Variants in SEPTIN9 observed in about 807,000 individuals in gnomAD.
SEPTIN9 encodes septin 9.
In SEPTIN9, 13 loss-of-function variants were observed where a neutral mutation model predicts 56.6. The ratio of observed to expected loss-of-function variants is 0.23; its 90% CI spans 0.15 to 0.37. The LOEUF is 0.37. SEPTIN9 is among the 10% of genes least tolerant of loss of function. The pLI is 1.00. For synonymous variants in SEPTIN9, 332 were observed against 334.1 expected, an observed-to-expected ratio of 0.99 and a Z score of 0.07; for missense variants, 650 against 823.1, an observed-to-expected ratio of 0.79 and a Z score of 2.57.
At position 77,497,305 on chromosome 17, in the gene SEPTIN9, C is replaced by T. The variant is rs192537441; in HGVS notation, c.1574-10C>T. On this transcript the variant is annotated splice_polypyrimidine_tract_variant and intron_variant, in intron 10 of 11. Transcript: ENST00000427177. ...TGGGACATTAAAGCCCCTCCTGTCT[C>T]CTCTCCTAGTTGAAAACACCACACA... The T allele has an allele frequency of 4.7e-3, 7,607 of 1,613,214 alleles. 39 individuals are homozygous for T. Among genetic ancestry groups the T allele is most frequent in the Non-Finnish European group, 5.7e-3 (6,747 of 1,179,432 alleles).
chr17:77,373,294 G>C, intron 2 of SEPTIN9: 1 of 1,159,670 alleles, frequency 8.6e-7, no homozygotes, highest in Non-Finnish European at 1.1e-6. Flanking sequence ...GCGGGGCGGG[G>C]GCGCAGCGCG....
intron 1 of SEPTIN9, among the ~76,000 whole-genome samples, chr17:77,300,382 G>A (rs1353221384): frequency 1.3e-5 from 2 of 152,168 alleles, no homozygotes; most frequent in African/African-American, 4.8e-5. Context: ...CTTGAGGGTG[G>A]GGAAAGGTTG....
At chr17:77,431,081 G>A (rs1277906707) in intron 3 of SEPTIN9, among the ~76,000 whole-genome samples, 2 of 152,186 alleles carry the variant, frequency 1.3e-5, no homozygotes, top group Non-Finnish European at 2.9e-5. Flanking sequence ...GGTGGCTCAC[G>A]CCTGTAATCC....
chr17:77,498,886 G>A lies in SEPTIN9; in HGVS notation c.*228G>A. ...GGAGGCTGCACTGGAGCCACAGGCAGGGGTGAGAGCACCCACTGAATTGAC... is the reference window on the plus strand; with the variant it reads ...GGAGGCTGCACTGGAGCCACAGGCAAGGGTGAGAGCACCCACTGAATTGAC... On this transcript the variant is annotated 3_prime_UTR_variant, in exon 12 of 12. Coordinates refer to ENST00000427177, the MANE Select transcript of SEPTIN9 (RefSeq NM_001113491.2). 1.7e-6 allele frequency: 1 copy of A among 599,670 alleles called. No individual in the cohort carries two copies. Among genetic ancestry groups the A allele is most frequent in the Non-Finnish European group, 3.1e-6 (1 of 318,718 alleles). 37.1% of individuals were successfully genotyped at this position (599,670 alleles called of 1,614,324 possible). A position where few individuals can be genotyped will look rare whatever the true frequency, so the allele number is the denominator to read the frequency against.
chr17:77,441,277 G>C (rs2037539002), intron 3 of SEPTIN9, among the ~76,000 whole-genome samples: 1 of 152,194 alleles, frequency 6.6e-6, no homozygotes, highest in Non-Finnish European at 1.5e-5. Flanking sequence ...ACTTGGAGTG[G>C]GTCTGGGGCT....
intron 2 of SEPTIN9, among the ~76,000 whole-genome samples, chr17:77,390,488 G>A (rs2035500719): frequency 1.9e-5 from 2 of 107,578 alleles, no homozygotes; most frequent in South Asian, 6.3e-4. Flanking sequence ...GTCTCGCTCT[G>A]TCGCCCAGGC....
At chr17:77,408,351 T>G (rs1278468910) in intron 3 of SEPTIN9, among the ~76,000 whole-genome samples, 1 of 152,068 alleles carries the variant, frequency 6.6e-6, no homozygotes. Context: ...TGGGGCGGGG[T>G]AGACATGGCA....
At chr17:77,494,677 G>T (rs938661993) in intron 10 of SEPTIN9, among the ~76,000 whole-genome samples, 14 of 152,312 alleles carry the variant, frequency 9.2e-5, no homozygotes, top group Admixed American at 5.9e-4. Context: ...GAAGCTCCCC[G>T]CACCCACCCT....
Position 77,318,167 on chromosome 17 carries a change from A to T in SEPTIN9, c.76+10970A>T, listed in dbSNP as rs1441438529. 6.6e-6 allele frequency among the ~76,000 whole-genome samples: 1 copy of T among 152,184 alleles called. No homozygotes were observed. Among genetic ancestry groups the T allele is most frequent in the Non-Finnish European group, 1.5e-5 (1 of 68,026 alleles). ...TTCCCTGAAACCGATCCCAGGTGCC[A>T]AAAAGGTTGGGGGCCACTGCCTTCA... On this transcript the variant is annotated intron_variant, in intron 2 of 11. Coordinates refer to ENST00000427177, the MANE Select transcript of SEPTIN9 (RefSeq NM_001113491.2). The surrounding 1 kb of genome is among the most constrained non-coding windows in gnomAD (Gnocchi z 4.9).
At chr17:77,361,630 T>C (rs1240186513) in intron 2 of SEPTIN9, among the ~76,000 whole-genome samples, 2 of 152,032 alleles carry the variant, frequency 1.3e-5, no homozygotes, top group Non-Finnish European at 2.9e-5. Context: ...TTTTCTTTTC[T>C]TTTCTTTTCT....
At chr17:77,351,471 T>G (rs918218049) in intron 2 of SEPTIN9, among the ~76,000 whole-genome samples, 15 of 152,142 alleles carry the variant, frequency 9.9e-5, no homozygotes, top group Admixed American at 2.6e-4. Flanking sequence ...GTGGCTCCTG[T>G]CCCGGGCTCT....
chr17:77,376,523 C>A (rs1199033524), intron 2 of SEPTIN9: 27 of 412,918 alleles, frequency 6.5e-5, no homozygotes, highest in Non-Finnish European at 1.6e-5. Context: ...GGCGGAGACT[C>A]CAGGGGCCAC....
At chr17:77,308,916 G>C (rs1237156455) in intron 2 of SEPTIN9, among the ~76,000 whole-genome samples, 2 of 152,362 alleles carry the variant, frequency 1.3e-5, no homozygotes, top group East Asian at 1.9e-4. Flanking sequence ...TGTGGGAAGA[G>C]GGGGGTGATG....
chr17:77,368,510 C>T (rs147886527), intron 2 of SEPTIN9, among the ~76,000 whole-genome samples: 45 of 152,210 alleles, frequency 3.0e-4, no homozygotes, highest in African/African-American at 1.0e-3. Flanking sequence ...CAGGGTTTCA[C>T]CATGTTGGCC....
chr17:77,368,681 T>G, intron 2 of SEPTIN9, among the ~76,000 whole-genome samples: 1 of 152,316 alleles, frequency 6.6e-6, no homozygotes, highest in African/African-American at 2.4e-5. Context: ...AGAAAAATGA[T>G]AGATTTTTAC....
chr17:77,310,522 C>T lies in SEPTIN9; in HGVS notation c.76+3325C>T, dbSNP rs764817824. On this transcript the variant is annotated intron_variant, in intron 2 of 11. Coordinates refer to ENST00000427177, the MANE Select transcript of SEPTIN9 (RefSeq NM_001113491.2). This position sits in a 1 kb window ranked among gnomAD's most constrained non-coding sequence, Gnocchi z 4.7. ...GTGGGGAGGCAGAGTTTGCCCGTCC[C>T]GTGGCCCACTGGTGACATCGCCGAA... Among the ~76,000 whole-genome samples, 6 of 152,172 alleles carry T rather than the reference C, an allele frequency of 3.9e-5. No homozygotes were observed. Among genetic ancestry groups the T allele is most frequent in the Non-Finnish European group, 5.9e-5 (4 of 68,028 alleles).
intron 2 of SEPTIN9, among the ~76,000 whole-genome samples, chr17:77,333,761 C>A (rs768247678): frequency 1.3e-5 from 2 of 151,836 alleles, no homozygotes; most frequent in African/African-American, 2.4e-5. Context: ...GGTCAGGGTT[C>A]ATTTTGTTGT....
chr17:77,488,053 G>A (rs1259325517), intron 5 of SEPTIN9, among the ~76,000 whole-genome samples, 187 bp from the exon 6 acceptor site: 1 of 152,242 alleles, frequency 6.6e-6, no homozygotes, highest in Non-Finnish European at 1.5e-5. Context: ...AGTCTGACAG[G>A]CAAGGGGCTC....
At chr17:77,455,060 T>C (rs1333161283) in intron 3 of SEPTIN9, among the ~76,000 whole-genome samples, 8 of 151,750 alleles carry the variant, frequency 5.3e-5, no homozygotes, top group East Asian at 1.9e-4. Flanking sequence ...TTTTTTTTTT[T>C]CCCTCCCTTT....
Sources: allele counts gnomAD v4.1 joint callset (sites outside exome capture counted in the v4.1 genomes callset), GRCh38; gene constraint gnomAD v4.1.1; non-coding constraint Gnocchi (gnomAD v3.1); transcripts MANE v1.5; gene names NCBI Gene and HGNC (gene_info 2026-07-23, HGNC 2026-07-21).